The following MCM9 variants were observed in gnomAD, a reference collection of about 807,000 sequenced individuals.
MCM9 encodes minichromosome maintenance 9 homologous recombination repair factor, also known as DNA helicase MCM9.
A neutral mutation model predicts 72.8 loss-of-function variants in MCM9; 55 were observed. The observed-to-expected ratio is 0.76, with a 90% CI of 0.61 to 0.95. The LOEUF is 0.95. Ranked by LOEUF, MCM9 falls within the 40% of genes least tolerant of loss-of-function variation. The pLI is 0.00. For missense variants in MCM9, 1,279 were observed against 1,377.0 expected, an observed-to-expected ratio of 0.93 and a Z score of 1.13; for synonymous variants, 480 against 503.4, an observed-to-expected ratio of 0.95 and a Z score of 0.62.
intron 9 of MCM9, among the ~76,000 whole-genome samples, chr6:118,853,273 T>C (rs1298716232): frequency 1.3e-5 from 2 of 152,216 alleles, no homozygotes; most frequent in South Asian, 2.1e-4. Context: ...TTCTCTTCCA[T>C]TGAAGAGTCT....
chr6:118,907,589 T>C, intron 8 of MCM9: 1 of 1,613,662 alleles, frequency 6.2e-7, no homozygotes, highest in South Asian at 1.1e-5. Context: ...AATGTCATGT[T>C]AGAATCCCAC....
At chr6:118,917,894 A>G in intron 5 of MCM9, 133 bp from the exon 6 acceptor site, 1 of 724,152 alleles carries the variant, frequency 1.4e-6, no homozygotes, top group Non-Finnish European at 2.3e-6. Context: ...CTCATCCAGA[A>G]AACAATTCAG....
intron 6 of MCM9, among the ~76,000 whole-genome samples, chr6:118,916,067 T>C (rs2114295597): frequency 6.6e-6 from 1 of 152,152 alleles, no homozygotes; most frequent in East Asian, 1.9e-4. Flanking sequence ...TAAGAAACCA[T>C]TTTCAGGCTG....
intron 10 of MCM9, among the ~76,000 whole-genome samples, chr6:118,828,739 A>G (rs112801532): frequency 2.1e-4 from 32 of 152,216 alleles, no homozygotes; most frequent in African/African-American, 7.2e-4. Context: ...TTCACAATTC[A>G]TTCTGGTTTT....
chr6:118,886,340 C>T lies in MCM9; in HGVS notation c.1150+25310G>A, dbSNP rs1778597414. On this transcript the variant is annotated intron_variant, in intron 8 of 13. Coordinates refer to ENST00000619706, the MANE Select transcript of MCM9 (RefSeq NM_017696.3). ...GCAGGTTATAGACAGAGAAATTGGGCCAAAAAGAAAAAAGAGAGAGAGAGA... is the reference window on the plus strand; with the variant it reads ...GCAGGTTATAGACAGAGAAATTGGGTCAAAAAGAAAAAAGAGAGAGAGAGA... 2.0e-5 allele frequency among the ~76,000 whole-genome samples: 3 copies of T among 147,192 alleles called. No homozygotes were observed. The Admixed American group carries it at 2.1e-4, about 10-fold the overall frequency.
At chr6:118,907,367 G>A (rs1348652897) in intron 8 of MCM9, 1 of 1,437,552 alleles carries the variant, frequency 7.0e-7, no homozygotes, top group Non-Finnish European at 9.6e-7. Context: ...AACTTTCTTA[G>A]TGTTTACCAT....
intron 8 of MCM9, chr6:118,894,254 C>G (rs1184273652): frequency 1.4e-6 from 2 of 1,454,316 alleles, no homozygotes; most frequent in African/African-American, 1.4e-5. Context: ...GTGGAGTGCT[C>G]CCGTGTAAAT....
chr6:118,913,018 A>G (rs553854395), intron 7 of MCM9: 1 of 307,400 alleles, frequency 3.3e-6, no homozygotes, highest in South Asian at 7.0e-5. Flanking sequence ...AAAACACAGT[A>G]ATAGAAACAA....
rs139292887 is a variant in MCM9, at chr6:118,890,308, G to A, written c.1150+21342C>T. On this transcript the variant is annotated intron_variant, in intron 8 of 13. Coordinates refer to ENST00000619706, the MANE Select transcript of MCM9 (RefSeq NM_017696.3). ...TACTTGACATGGTAGAGAGTACAAA[G>A]GTACTAGGACAGCCATCAGAGGAAT... Among the ~76,000 whole-genome samples the A allele has an allele frequency of 2.0e-5, 3 of 152,204 alleles. No individual in the cohort carries two copies. In the East Asian group the frequency reaches 5.8e-4, roughly 29 times the overall value.
intron 9 of MCM9, among the ~76,000 whole-genome samples, chr6:118,855,403 A>G (rs150404924): frequency 4.6e-5 from 7 of 152,306 alleles, no homozygotes; most frequent in Non-Finnish European, 1.0e-4. Context: ...CATCTAGCAC[A>G]ATGCCTGAAA....
intron 12 of MCM9, among the ~76,000 whole-genome samples, chr6:118,826,566 C>T (rs997498178): frequency 6.6e-6 from 1 of 152,174 alleles, no homozygotes; most frequent in African/African-American, 2.4e-5. Flanking sequence ...CACTACTTTA[C>T]ATCAATAGGC....
rs141534979 is a variant in MCM9, at chr6:118,896,786, T to G, written c.1150+14864A>C. 3.6e-4 allele frequency among the ~76,000 whole-genome samples: 55 copies of G among 152,222 alleles called. No homozygotes were observed. The East Asian group carries it at 9.7e-3, about 27-fold the overall frequency. ...AAAGGCTTCTAATAGGTTCCATACT[T>G]TTATATTACAGTTCTTTTAAAAATT... On this transcript the variant is annotated intron_variant, in intron 8 of 13. Transcript: ENST00000619706.
intron 9 of MCM9, among the ~76,000 whole-genome samples, chr6:118,853,704 T>G (rs951829797): frequency 6.6e-6 from 1 of 151,664 alleles, no homozygotes. Flanking sequence ...TACTCAGGGG[T>G]GGGTGAATGG....
At chr6:118,846,922 G>A (rs905645021) in intron 9 of MCM9, among the ~76,000 whole-genome samples, 2 of 151,644 alleles carry the variant, frequency 1.3e-5, no homozygotes, top group Non-Finnish European at 2.9e-5. Flanking sequence ...TACTTCCGTT[G>A]ATAAAACCCT....
chr6:118,867,879 C>CTTTTTTTTTTTTTTTTTT (rs1554258631), intron 8 of MCM9, among the ~76,000 whole-genome samples: 5 of 137,486 alleles, frequency 3.6e-5, no homozygotes, highest in Non-Finnish European at 7.8e-5. Context: ...TTTTCTTTTT[C>CTTTTTTTTTTTTTTTTTT]TTTTTCTTTT....
chr6:118,893,855 A>AC (rs199665462), intron 8 of MCM9, among the ~76,000 whole-genome samples: 104,926 of 148,874 alleles, frequency 0.7, 38,277 homozygotes, highest in South Asian at 0.79. Context: ...CAAAAAAAAA[A>AC]ACAAAAAAAC....
intron 10 of MCM9, among the ~76,000 whole-genome samples, chr6:118,828,390 ATT>A (rs796793445): frequency 6.9e-6 from 1 of 145,620 alleles, no homozygotes. Context: ...AAATACATCT[ATT>A]TTTTTTTTTT....
At chr6:118,927,703 A>G (rs1392532525) in intron 3 of MCM9, among the ~76,000 whole-genome samples, 1 of 152,214 alleles carries the variant, frequency 6.6e-6, no homozygotes, top group African/African-American at 2.4e-5. Flanking sequence ...AACTGTATAG[A>G]CAGACACTTG....
At chr6:118,879,317 C>T (rs1778138863) in intron 8 of MCM9, among the ~76,000 whole-genome samples, 2 of 149,094 alleles carry the variant, frequency 1.3e-5, no homozygotes, top group African/African-American at 4.9e-5. Flanking sequence ...CTTAAAGGCA[C>T]AAATAGGTTA....
Sources: allele counts gnomAD v4.1 joint callset (sites outside exome capture counted in the v4.1 genomes callset), GRCh38; gene constraint gnomAD v4.1.1; transcripts MANE v1.5; gene names NCBI Gene and HGNC (gene_info 2026-07-23, HGNC 2026-07-21).